SORCS2: variants seen among roughly 807,000 people sequenced by gnomAD.
SORCS2 encodes sortilin related VPS10 domain containing receptor 2, also known as VPS10 domain-containing receptor SorCS2.
Under a neutral mutation model 141.6 loss-of-function variants are expected in SORCS2, and 100 were observed. The ratio of observed to expected loss-of-function variants is 0.71; its 90% confidence interval spans 0.60 to 0.83. The LOEUF (loss-of-function observed/expected upper bound fraction) is 0.83, where lower values mean the gene tolerates loss of function less well. Ranked by LOEUF, SORCS2 falls within the 40% of genes least tolerant of loss-of-function variation. The pLI is 0.00. For synonymous variants in SORCS2, 789 were observed against 676.9 expected (o/e 1.17, Z -2.57); for missense variants, 1,646 against 1,560.2 (o/e 1.05, Z -0.93).
At chr4:7,737,280 A>G (rs1712265148) in intron 26 of SORCS2, 108 bp downstream of exon 26, 2 of 1,467,830 alleles carry the variant, frequency 1.4e-6, no homozygotes, top group African/African-American at 2.8e-5. Flanking sequence ...TGGGGCCAGC[A>G]AAACGCTGGC....
At chr4:7,623,191 T>G (rs1458866112) in intron 3 of SORCS2, among the ~76,000 whole-genome samples, 1 of 152,104 alleles carries the variant, frequency 6.6e-6, no homozygotes, top group Non-Finnish European at 1.5e-5. Context: ...TTACAATCAG[T>G]GACACTCAGA....
intron 1 of SORCS2, among the ~76,000 whole-genome samples, chr4:7,336,059 G>T (rs1282053447): frequency 1.3e-5 from 2 of 152,196 alleles, no homozygotes; most frequent in Admixed American, 6.5e-5. Flanking sequence ...TGTGTGCAGG[G>T]GCTCACTTGC....
chr4:7,434,835 G>C (rs1033821981), intron 2 of SORCS2: 3 of 1,594,820 alleles, frequency 1.9e-6, no homozygotes, highest in African/African-American at 1.3e-5. Context: ...GGCTGGCCCT[G>C]GTGGCCCCCA....
intron 3 of SORCS2, among the ~76,000 whole-genome samples, chr4:7,583,385 A>G (rs1001121522): frequency 1.3e-5 from 2 of 152,216 alleles, no homozygotes; most frequent in Non-Finnish European, 2.9e-5. Context: ...CCCTGGAGCT[A>G]AAACAGGAAC....
intron 1 of SORCS2, among the ~76,000 whole-genome samples, chr4:7,375,163 C>T (rs1722557550): frequency 6.6e-6 from 1 of 152,174 alleles, no homozygotes; most frequent in Non-Finnish European, 1.5e-5. Flanking sequence ...TCTGGGTCAT[C>T]CCCATGAAGT....
rs1277250697 is a variant in SORCS2, at chr4:7,676,289, AC to A, written c.1341+64del. 4.7e-6 allele frequency: 7 copies of A among 1,484,676 alleles called. No individual in the cohort carries two copies. In the African/African-American group the frequency reaches 1.0e-4, roughly 21 times the overall value. 92.0% of individuals were successfully genotyped at this position (1,484,676 alleles called of 1,614,324 possible). On this transcript the variant is annotated intron_variant, in intron 9 of 26. Coordinates refer to ENST00000507866, the MANE Select transcript of SORCS2 (RefSeq NM_020777.3). ...CCGACCCCCTGCCCTCTGCCCTCTC[AC>A]CCCACCTCTTCCTCCCCCCTCCCCT... is the stretch of plus-strand genomic sequence containing the variant.
At chr4:7,715,895 G>T (rs980268003) in intron 17 of SORCS2, among the ~76,000 whole-genome samples, 7 of 152,138 alleles carry the variant, frequency 4.6e-5, no homozygotes, top group Non-Finnish European at 8.8e-5. Context: ...CCCAGTTATT[G>T]TCATCACTCA....
chr4:7,347,935 C>T (rs948900222), intron 1 of SORCS2, among the ~76,000 whole-genome samples: 10 of 152,284 alleles, frequency 6.6e-5, no homozygotes, highest in East Asian at 1.9e-4. Flanking sequence ...AATAGACTTG[C>T]GATTAATACC....
At chr4:7,337,822 TC>T (rs1333399076) in intron 1 of SORCS2, among the ~76,000 whole-genome samples, 1 of 152,144 alleles carries the variant, frequency 6.6e-6, no homozygotes, top group African/African-American at 2.4e-5. Context: ...ACCTGCACCT[TC>T]CCCCTGCCAC....
At chr4:7,336,402 C>T (rs931838467) in intron 1 of SORCS2, among the ~76,000 whole-genome samples, 2 of 152,126 alleles carry the variant, frequency 1.3e-5, no homozygotes, top group Non-Finnish European at 2.9e-5. Context: ...GCCCTTGGCC[C>T]CGGCTGAGAT....
chr4:7,227,439 G>A (rs9991443), intron 1 of SORCS2, among the ~76,000 whole-genome samples: 18,333 of 152,262 alleles, frequency 0.12, 1,493 homozygotes, highest in African/African-American at 0.23. Context: ...CTCCAGAGCA[G>A]ACGTAGCCCT....
intron 4 of SORCS2, among the ~76,000 whole-genome samples, chr4:7,652,943 T>A (rs1560457926): frequency 6.6e-6 from 1 of 152,198 alleles, no homozygotes; most frequent in African/African-American, 2.4e-5. Context: ...CCTGTCACCA[T>A]GTTCTTTATG....
chr4:7,668,759 G>A (rs1467952779), intron 8 of SORCS2, among the ~76,000 whole-genome samples: 1 of 152,212 alleles, frequency 6.6e-6, no homozygotes, highest in East Asian at 1.9e-4. Flanking sequence ...CTGTCCCTCT[G>A]AGGTGAGGGA....
At chr4:7,365,114 T>G (rs1721798158) in intron 1 of SORCS2, among the ~76,000 whole-genome samples, 1 of 152,154 alleles carries the variant, frequency 6.6e-6, no homozygotes. Context: ...ATGATTTGTA[T>G]TGTTAGAGAG....
chr4:7,399,502 T>G (rs1724433529), intron 2 of SORCS2, among the ~76,000 whole-genome samples: 1 of 152,192 alleles, frequency 6.6e-6, no homozygotes, highest in Non-Finnish European at 1.5e-5. Flanking sequence ...CGGCACCCCC[T>G]CCTGGCTTCC....
At chr4:7,263,912 TG>T (rs1207626979) in intron 1 of SORCS2, among the ~76,000 whole-genome samples, 1 of 152,124 alleles carries the variant, frequency 6.6e-6, no homozygotes, top group African/African-American at 2.4e-5. Flanking sequence ...TGGGCCGTGG[TG>T]TTGGCAAGCT....
intron 1 of SORCS2, among the ~76,000 whole-genome samples, chr4:7,222,520 T>TG (rs35837718): frequency 0.34 from 51,382 of 151,926 alleles, 9,108 homozygotes; most frequent in East Asian, 0.54. Flanking sequence ...GGCATGGTGA[T>TG]GAAGCACTCG....
chr4:7,601,659 TTTTG>T (rs144842622), intron 3 of SORCS2, among the ~76,000 whole-genome samples: 8 of 128,452 alleles, frequency 6.2e-5, no homozygotes, highest in Admixed American at 2.5e-4. Context: ...TAGCTTTGTT[TTTTG>T]TTTGTTTGTT....
chr4:7,723,748 G>A lies in SORCS2; in HGVS notation c.2476G>A (p.Ala826Thr), dbSNP rs1726763648. Residue 826 changes from alanine to threonine, a missense_variant, in exon 19 of 27, where the codon GCC (alanine) becomes ACC (threonine). Coordinates refer to ENST00000507866, the MANE Select transcript of SORCS2 (RefSeq NM_020777.3). ...GGTAGACCTTGGGGACGGCTTCAAG[G>A]CCATGTACGTGAACCTTACACTGAC... ...YQVDLGDGFK[A>T]MYVNLTLTGE... is the part of the protein sequence containing the mutation. The A allele has an allele frequency of 6.2e-7, 1 of 1,614,002 alleles. No individual in the cohort carries two copies. The highest frequency in any genetic ancestry group is 1.3e-5 in the African/African-American group (1 of 75,056).
Sources: gnomAD v4.1 joint callset for allele counts (sites outside exome capture counted in the v4.1 genomes callset) on GRCh38, gnomAD v4.1.1 for gene constraint, MANE v1.5 for transcripts, NCBI Gene and HGNC (gene_info 2026-07-23, HGNC 2026-07-21) for gene names.